The following RHOT1 variants were observed in gnomAD, a reference collection of about 807,000 sequenced individuals.
The protein encoded by RHOT1 is ras homolog family member T1, also known as mitochondrial Rho GTPase 1.
Under a neutral mutation model 95.3 loss-of-function variants are expected in RHOT1, and 27 were observed. The observed-to-expected ratio is 0.28, with a 90% confidence interval of 0.21 to 0.39. The LOEUF is 0.39. Ranked by LOEUF, RHOT1 falls within the 10% of genes least tolerant of loss-of-function variation. RHOT1 has a pLI of 1.00. For synonymous variants in RHOT1, 227 were observed against 263.5 expected, an observed-to-expected ratio of 0.86 and a Z score of 1.34; for missense variants, 578 against 786.7, an observed-to-expected ratio of 0.73 and a Z score of 3.17.
chr17:32,189,390 G>C (rs1232484578), intron 8 of RHOT1, among the ~76,000 whole-genome samples: 1 of 152,176 alleles, frequency 6.6e-6, no homozygotes, highest in Non-Finnish European at 1.5e-5. Context: ...CAGGAAATTT[G>C]GGAAACAGTC....
chr17:32,162,753 A>G (rs1280171004), intron 1 of RHOT1, among the ~76,000 whole-genome samples: 4 of 152,240 alleles, frequency 2.6e-5, no homozygotes, highest in African/African-American at 9.6e-5. Context: ...GTAGATTCAT[A>G]CATATTAAGT....
At chr17:32,145,422 A>G (rs574610533) in intron 1 of RHOT1, among the ~76,000 whole-genome samples, 84 of 152,224 alleles carry the variant, frequency 5.5e-4, no homozygotes, top group African/African-American at 1.6e-3. Context: ...AGAAAATGGA[A>G]CTGTTATCTT....
At chr17:32,163,626 A>C (rs2142462918) in intron 1 of RHOT1, among the ~76,000 whole-genome samples, 1 of 152,162 alleles carries the variant, frequency 6.6e-6, no homozygotes, top group South Asian at 2.1e-4. Flanking sequence ...GCTACTTTGG[A>C]GGCTGAGGCA....
chr17:32,199,499 G>A lies in RHOT1; in HGVS notation c.1049G>A (p.Cys350Tyr). ...PWGPDVNNTV[C>Y]TNERGWITYQ... Reference sequence around the variant, plus strand: ...GGGCCAGATGTGAATAACACAGTTTGTACCAATGAAAGAGGCTGGATAACC... The same window carrying A: ...GGGCCAGATGTGAATAACACAGTTTATACCAATGAAAGAGGCTGGATAACC... The change falls in exon 13 of 20, where the codon TGT becomes TAT. Residue 350 changes from cysteine to tyrosine, a missense_variant. This residue lies in a region of RHOT1 where 227 missense variants were observed against 316.0 expected (regional missense o/e 0.72). Coordinates refer to ENST00000545287, the MANE Select transcript of RHOT1 (RefSeq NM_001033566.3). 1 of 1,612,924 alleles carries A rather than the reference G, an allele frequency of 6.2e-7. No individual in the cohort carries two copies. Among genetic ancestry groups the A allele is most frequent in the Non-Finnish European group, 8.5e-7 (1 of 1,179,692 alleles).
At chr17:32,156,176 A>G (rs143224913) in intron 1 of RHOT1, among the ~76,000 whole-genome samples, 1 of 152,346 alleles carries the variant, frequency 6.6e-6, no homozygotes, top group African/African-American at 2.4e-5. Context: ...GTTTCTGCCA[A>G]ATCACTTTCC....
intron 16 of RHOT1, among the ~76,000 whole-genome samples, chr17:32,205,861 G>C (rs949357842): frequency 6.6e-6 from 1 of 152,164 alleles, no homozygotes; most frequent in African/African-American, 2.4e-5. Context: ...TTTTACTCTT[G>C]TTGGAGATCA....
chr17:32,203,245 C>G (rs988611177), intron 15 of RHOT1, among the ~76,000 whole-genome samples: 66 of 136,344 alleles, frequency 4.8e-4, no homozygotes, highest in African/African-American at 1.9e-3. Flanking sequence ...AAGAAGAAGA[C>G]ATATTTCTTT....
intron 6 of RHOT1, among the ~76,000 whole-genome samples, chr17:32,177,289 A>C (rs867124827): frequency 2.6e-5 from 4 of 152,234 alleles, no homozygotes; most frequent in African/African-American, 7.2e-5. Flanking sequence ...TCAAGTGCTC[A>C]TAGCCACATG....
intron 17 of RHOT1, 58 bp downstream of exon 17, chr17:32,207,087 T>C: frequency 6.6e-7 from 1 of 1,521,296 alleles, no homozygotes; most frequent in Non-Finnish European, 8.9e-7. Flanking sequence ...TTTTATGGAA[T>C]TGCAGTGTGG....
intron 1 of RHOT1, among the ~76,000 whole-genome samples, chr17:32,169,886 G>A (rs533562084): frequency 5.3e-5 from 8 of 152,014 alleles, no homozygotes; most frequent in Non-Finnish European, 1.2e-4. Flanking sequence ...GCATCTGCCT[G>A]TAGTCCCAGC....
intron 8 of RHOT1, among the ~76,000 whole-genome samples, chr17:32,190,655 T>C (rs1190460363): frequency 6.6e-6 from 1 of 152,196 alleles, no homozygotes; most frequent in Non-Finnish European, 1.5e-5. Context: ...TATAACAATG[T>C]AGTTTTTATT....
At chr17:32,159,601 T>C (rs1051477576) in intron 1 of RHOT1, 1 of 152,916 alleles carries the variant, frequency 6.5e-6, no homozygotes, top group African/African-American at 2.4e-5. Context: ...GTGCCCGTTC[T>C]GATCTCAGAG....
intron 1 of RHOT1, among the ~76,000 whole-genome samples, chr17:32,158,593 A>G (rs1296541167): frequency 2.0e-5 from 3 of 151,912 alleles, no homozygotes; most frequent in South Asian, 2.1e-4. Flanking sequence ...CCTAGTAGCT[A>G]GGACTACAAG....
chr17:32,182,577 T>C (rs1167507277), intron 6 of RHOT1, among the ~76,000 whole-genome samples, 180 bp from the exon 7 acceptor site: 1 of 152,200 alleles, frequency 6.6e-6, no homozygotes, highest in Admixed American at 6.5e-5. Context: ...AGGTGCTCAA[T>C]AGATAACATG....
intron 1 of RHOT1, among the ~76,000 whole-genome samples, chr17:32,149,627 A>ATGTGTGTGTGTGTGTGTGTG (rs1488563031): frequency 1.1e-4 from 10 of 87,172 alleles, no homozygotes; most frequent in Admixed American, 3.3e-4. Context: ...ATATATATAT[A>ATGTGTGTGTGTGTGTGTGTG]TATATATATG....
chr17:32,168,395 A>G (rs1202934980), intron 1 of RHOT1, among the ~76,000 whole-genome samples: 1 of 151,986 alleles, frequency 6.6e-6, no homozygotes, highest in East Asian at 1.9e-4. Context: ...TCAGCCTCGC[A>G]AGTAGCTGGG....
At chr17:32,223,877 A>G (rs1176345846) in intron 19 of RHOT1, among the ~76,000 whole-genome samples, 1 of 152,064 alleles carries the variant, frequency 6.6e-6, no homozygotes, top group East Asian at 1.9e-4. Context: ...CATGCTCACA[A>G]CTCAGTTTGT....
chr17:32,149,635 A>ATATGTGTGTGTGTGTGTGTG (rs1445281403), intron 1 of RHOT1, among the ~76,000 whole-genome samples: 16 of 59,086 alleles, frequency 2.7e-4, no homozygotes, highest in Non-Finnish European at 4.8e-4. Context: ...ATATATATAT[A>ATATGTGTGTGTGTGTGTGTG]TGTGTGTGTG....
chr17:32,178,719 A>AATGGGATGTGAGGAGCGCCTCTGCCCG (rs2035253389), intron 6 of RHOT1, among the ~76,000 whole-genome samples: 2 of 120,292 alleles, frequency 1.7e-5, no homozygotes, highest in Non-Finnish European at 3.4e-5. Context: ...GCCTCTGCCC[A>AATGGGATGTGAGGAGCGCCTCTGCCCG]GCCGCCCTGT....
Sources: gnomAD v4.1 joint callset for allele counts (sites outside exome capture counted in the v4.1 genomes callset) on GRCh38, gnomAD v4.1.1 for gene constraint, gnomAD v4.1.1 regional missense constraint, MANE v1.5 for transcripts, NCBI Gene and HGNC (gene_info 2026-07-23, HGNC 2026-07-21) for gene names.